The following MEF2A variants were observed in gnomAD, a reference collection of about 807,000 sequenced individuals.
The protein encoded by MEF2A is myocyte-specific enhancer factor 2A.
A neutral mutation model predicts 55.8 loss-of-function variants in MEF2A; 28 were observed. That is an observed-to-expected ratio of 0.50 (90% confidence interval 0.37 to 0.69). MEF2A has a LOEUF of 0.69. MEF2A is among the 30% of genes least tolerant of loss of function. The pLI is 0.00. For missense variants in MEF2A, 528 were observed against 626.2 expected (o/e 0.84, Z 1.67); for synonymous variants, 239 against 227.1 (o/e 1.05, Z -0.47).
chr15:99,635,751 G>A (rs996092646), intron 3 of MEF2A, among the ~76,000 whole-genome samples: 2 of 152,168 alleles, frequency 1.3e-5, no homozygotes, highest in African/African-American at 2.4e-5. Context: ...GTAGATATAT[G>A]TAAGTATATC....
chr15:99,568,396 A>G (rs545989400), intron 1 of MEF2A, among the ~76,000 whole-genome samples: 17 of 152,268 alleles, frequency 1.1e-4, no homozygotes, highest in African/African-American at 4.1e-4. Context: ...TGGTGATGTT[A>G]TGTTTTTCAA....
Position 99,712,383 on chromosome 15 carries a change from C to T in MEF2A, c.1137-7C>T, listed in dbSNP as rs1351739152. 33 of 1,504,184 alleles carry T rather than the reference C, an allele frequency of 2.2e-5. No homozygotes were observed. The Admixed American group carries it at 2.2e-4, about 10-fold the overall frequency. 93.2% of individuals were successfully genotyped at this position (1,504,184 alleles called of 1,614,324 possible). A position where few individuals can be genotyped will look rare whatever the true frequency, so the allele number is the denominator to read the frequency against. ...GCCATCTGACCTCTCTCTTTTTTTT[C>T]CTTCAGTGCTGGAGGGCAGTTATCT... is the stretch of plus-strand genomic sequence containing the variant. On this transcript the variant is annotated splice_region_variant and splice_polypyrimidine_tract_variant and intron_variant, in intron 11 of 11. Coordinates refer to ENST00000557942, the MANE Select transcript of MEF2A (RefSeq NM_001319206.4). The surrounding 1 kb of genome is among the most constrained non-coding windows in gnomAD (Gnocchi z 4.1).
chr15:99,685,612 T>C (rs568093004), intron 7 of MEF2A, among the ~76,000 whole-genome samples: 1 of 152,240 alleles, frequency 6.6e-6, no homozygotes, highest in East Asian at 1.9e-4. Context: ...TGTGCCAGTT[T>C]TGCTTATTGA....
At chr15:99,634,615 G>T (rs1362827697) in intron 3 of MEF2A, among the ~76,000 whole-genome samples, 1 of 152,180 alleles carries the variant, frequency 6.6e-6, no homozygotes. Flanking sequence ...ATTGGACATA[G>T]CTAAACTGGA....
intron 9 of MEF2A, 101 bp downstream of exon 9, chr15:99,703,486 T>C (rs1567494139): frequency 8.1e-7 from 1 of 1,232,828 alleles, no homozygotes. Context: ...GTTACACAAA[T>C]TTTTTTAAAC....
chr15:99,639,468 T>C (rs1259008707), intron 3 of MEF2A, among the ~76,000 whole-genome samples: 1 of 152,238 alleles, frequency 6.6e-6, no homozygotes, highest in Non-Finnish European at 1.5e-5. Context: ...TCTTAATTCA[T>C]CAATACTTCT....
chr15:99,597,362 C>T (rs140095790), intron 1 of MEF2A, among the ~76,000 whole-genome samples: 1 of 152,192 alleles, frequency 6.6e-6, no homozygotes, highest in East Asian at 1.9e-4. Flanking sequence ...CATAGCGCTC[C>T]CAGGCTCATT....
intron 9 of MEF2A, among the ~76,000 whole-genome samples, chr15:99,706,049 GC>G (rs1318316743): frequency 6.6e-6 from 1 of 152,228 alleles, no homozygotes; most frequent in Non-Finnish European, 1.5e-5. Flanking sequence ...TGGATAGGAT[GC>G]TACACAGATG....
At chr15:99,671,722 T>TA in intron 5 of MEF2A, 1 of 1,412,700 alleles carries the variant, frequency 7.1e-7, no homozygotes, top group East Asian at 2.5e-5. Context: ...AACATCTTGT[T>TA]GCTTATTTTT....
intron 2 of MEF2A, among the ~76,000 whole-genome samples, chr15:99,601,754 CTT>C (rs1307093255): frequency 1.3e-5 from 2 of 151,198 alleles, no homozygotes; most frequent in East Asian, 1.9e-4. Context: ...TGCGTTGACT[CTT>C]TTAAAAAGTC....
In MEF2A at chr15:99,636,148, T is replaced by C. The variant is rs562107647; in HGVS notation, c.54+2975T>C. On this transcript the variant is annotated intron_variant, in intron 3 of 11. Coordinates refer to ENST00000557942, the MANE Select transcript of MEF2A (RefSeq NM_001319206.4). ...TTTCCATGATGTCTAATGAAGGTGC[T>C]CACTTTTTCATATTTTTATTGGCCA... Among the ~76,000 whole-genome samples, 4 of 152,302 alleles carry C rather than the reference T, an allele frequency of 2.6e-5. No individual in the cohort carries two copies. The South Asian group carries it at 6.2e-4, about 24-fold the overall frequency.
At chr15:99,582,217 TAAAG>T (rs1966150276) in intron 1 of MEF2A, among the ~76,000 whole-genome samples, 1 of 152,170 alleles carries the variant, frequency 6.6e-6, no homozygotes, top group African/African-American at 2.4e-5. Context: ...CTTGGTGCCT[TAAAG>T]AATAATGCTG....
At chr15:99,674,660 A>G in intron 6 of MEF2A, 48 bp downstream of exon 6, 1 of 1,465,508 alleles carries the variant, frequency 6.8e-7, no homozygotes, top group Non-Finnish European at 9.5e-7. Flanking sequence ...AGAGGGTGAA[A>G]AAATTCATTG....
chr15:99,629,155 C>G (rs2042519975), intron 2 of MEF2A, among the ~76,000 whole-genome samples: 1 of 152,120 alleles, frequency 6.6e-6, no homozygotes, highest in Admixed American at 6.5e-5. Flanking sequence ...CTCTGGCTGG[C>G]TGAACGCGGT....
At chr15:99,595,662 A>G (rs1970900677) in intron 1 of MEF2A, among the ~76,000 whole-genome samples, 1 of 152,248 alleles carries the variant, frequency 6.6e-6, no homozygotes, top group African/African-American at 2.4e-5. Flanking sequence ...GGTATAATAG[A>G]GGAGACTCAT....
intron 2 of MEF2A, among the ~76,000 whole-genome samples, chr15:99,623,870 C>T (rs376643740): frequency 2.2e-3 from 329 of 149,696 alleles, no homozygotes; most frequent in African/African-American, 7.5e-3. Flanking sequence ...TGCAATGGTG[C>T]GATCATGGCT....
chr15:99,601,853 G>A (rs1038889781), intron 2 of MEF2A, among the ~76,000 whole-genome samples: 1 of 52,838 alleles, frequency 1.9e-5, no homozygotes, highest in East Asian at 7.1e-4. Context: ...GTGTGTGTGT[G>A]TGTGTCAGGG....
chr15:99,670,404 C>A (rs1567387223), intron 4 of MEF2A, among the ~76,000 whole-genome samples: 1 of 152,018 alleles, frequency 6.6e-6, no homozygotes, highest in African/African-American at 2.4e-5. Context: ...GTCAGGAGAT[C>A]CAGACCATCC....
rs186270809 is a variant in MEF2A at position 99,629,745 on chromosome 15, C to T, written c.-142-3233C>T. ...GAAGAGAAACTTCATTGTATCCCAT[C>T]CTGGCTAACACAGTGAAACCCTGTC... On this transcript the variant is annotated intron_variant, in intron 2 of 11. Transcript: ENST00000557942. 3.3e-3 allele frequency among the ~76,000 whole-genome samples: 499 copies of T among 152,228 alleles called. 14 individuals are homozygous for T. The highest frequency in any genetic ancestry group is 0.027 in the Admixed American group (414 of 15,286).
Sources: gnomAD v4.1 joint callset for allele counts (sites outside exome capture counted in the v4.1 genomes callset) on GRCh38, gnomAD v4.1.1 for gene constraint, Gnocchi (gnomAD v3.1) non-coding constraint, MANE v1.5 for transcripts, NCBI Gene and HGNC (gene_info 2026-07-23, HGNC 2026-07-21) for gene names.